The following CAMTA1 variants were observed in gnomAD, a reference collection of about 807,000 sequenced individuals.
CAMTA1 encodes the protein calmodulin-binding transcription activator 1.
A neutral mutation model predicts 170.9 loss-of-function variants in CAMTA1; 27 were observed. The observed-to-expected ratio is 0.16, with a 90% CI of 0.12 to 0.22. The LOEUF (loss-of-function observed/expected upper bound fraction) is 0.22, where lower values mean the gene tolerates loss of function less well. Among genes scored for constraint, CAMTA1 ranks in the 10% least tolerant of loss-of-function variants. CAMTA1 has a pLI of 1.00. For synonymous variants in CAMTA1, 833 were observed against 891.5 expected, an observed-to-expected ratio of 0.93 and a Z score of 1.17; for missense variants, 1,619 against 2,217.2, an observed-to-expected ratio of 0.73 and a Z score of 5.42.
intron 4 of CAMTA1, among the ~76,000 whole-genome samples, chr1:7,242,914 A>G (rs1665138389): frequency 6.6e-6 from 1 of 152,252 alleles, no homozygotes; most frequent in South Asian, 2.1e-4. Flanking sequence ...GTGAGCCGAG[A>G]TCGCACCATT....
intron 11 of CAMTA1, among the ~76,000 whole-genome samples, chr1:7,704,190 C>T (rs1030752378): frequency 1.3e-5 from 2 of 148,648 alleles, no homozygotes; most frequent in African/African-American, 2.4e-5. Context: ...CGGGGCCGCG[C>T]AGGGAGCCCG....
intron 4 of CAMTA1, among the ~76,000 whole-genome samples, chr1:7,182,895 G>T (rs1002787409): frequency 6.6e-6 from 1 of 152,194 alleles, no homozygotes; most frequent in African/African-American, 2.4e-5. Flanking sequence ...TTTTTAATCT[G>T]TCAGATTGGC....
intron 6 of CAMTA1, among the ~76,000 whole-genome samples, chr1:7,573,182 C>T (rs1198026350): frequency 6.6e-6 from 1 of 152,174 alleles, no homozygotes; most frequent in Non-Finnish European, 1.5e-5. Flanking sequence ...GAAAGAAAAA[C>T]CTGGCAAAGC....
rs994915435 is a variant in CAMTA1 at position 7,592,230 on chromosome 1, C to A, written c.511-48170C>A. On this transcript the variant is annotated intron_variant, in intron 6 of 22. Coordinates refer to ENST00000303635, the MANE Select transcript of CAMTA1 (RefSeq NM_015215.4). This position sits in a 1 kb window ranked among gnomAD's most constrained non-coding sequence, Gnocchi z 4.6. Reference sequence around the variant, plus strand: ...CACAGTTTAGATCTCAGCTCAGTGGCCCTCTTTGAAGGCCCCTTCCCCAAC... The same window carrying A: ...CACAGTTTAGATCTCAGCTCAGTGGACCTCTTTGAAGGCCCCTTCCCCAAC... Among the ~76,000 whole-genome samples, 2 of 152,156 alleles carry A rather than the reference C, an allele frequency of 1.3e-5. No homozygotes were observed. Among genetic ancestry groups the A allele is most frequent in the Admixed American group, 6.5e-5 (1 of 15,280 alleles).
intron 5 of CAMTA1, among the ~76,000 whole-genome samples, chr1:7,322,648 A>G (rs1678608636): frequency 6.6e-6 from 1 of 152,164 alleles, no homozygotes; most frequent in Non-Finnish European, 1.5e-5. Context: ...TTTTTCTAAT[A>G]ATTTGTCCAT....
At chr1:7,705,339 G>T (rs1370921977) in intron 11 of CAMTA1, among the ~76,000 whole-genome samples, 2 of 151,074 alleles carry the variant, frequency 1.3e-5, no homozygotes, top group Admixed American at 1.3e-4. Context: ...CCGGGGCCGT[G>T]TGTCTGGAGT....
At chr1:7,714,493 C>T (rs571325451) in intron 11 of CAMTA1, among the ~76,000 whole-genome samples, 2 of 151,726 alleles carry the variant, frequency 1.3e-5, no homozygotes, top group African/African-American at 4.8e-5. Context: ...GTGCTTTTGT[C>T]GCAAGGATGT....
At chr1:7,071,588 A>G (rs1212649602) in intron 3 of CAMTA1, among the ~76,000 whole-genome samples, 1 of 152,222 alleles carries the variant, frequency 6.6e-6, no homozygotes, top group Non-Finnish European at 1.5e-5. Context: ...TTCATTAATG[A>G]GAACCAACAG....
chr1:7,496,097 G>A (rs540242999), intron 6 of CAMTA1, among the ~76,000 whole-genome samples: 90 of 152,332 alleles, frequency 5.9e-4, no homozygotes, highest in African/African-American at 2.1e-3. Flanking sequence ...AGACCCAGCC[G>A]CCAGGACCCA....
chr1:7,682,898 G>A lies in CAMTA1; in HGVS notation c.2914+5165G>A, dbSNP rs1044524967. Among the ~76,000 whole-genome samples, 2 of 152,238 alleles carry A rather than the reference G, an allele frequency of 1.3e-5. No individual in the cohort carries two copies. Among genetic ancestry groups the A allele is most frequent in the African/African-American group, 4.8e-5 (2 of 41,466 alleles). ...AGAACATACACAGAGTTGGCTGGGT[G>A]CGGTGGCTCACGCCTGTGATCCCAG... is the stretch of plus-strand genomic sequence containing the variant. On this transcript the variant is annotated intron_variant, in intron 11 of 22. Coordinates refer to ENST00000303635, the MANE Select transcript of CAMTA1 (RefSeq NM_015215.4). The surrounding 1 kb of genome is among the most constrained non-coding windows in gnomAD (Gnocchi z 5.0).
At chr1:6,884,582 T>C (rs1672642772) in intron 3 of CAMTA1, among the ~76,000 whole-genome samples, 1 of 152,172 alleles carries the variant, frequency 6.6e-6, no homozygotes, top group African/African-American at 2.4e-5. Flanking sequence ...TTACTTCAGT[T>C]TCCCTTTAGT....
chr1:7,311,930 A>G (rs1676787404), intron 5 of CAMTA1, among the ~76,000 whole-genome samples: 2 of 152,186 alleles, frequency 1.3e-5, no homozygotes, highest in Non-Finnish European at 2.9e-5. Context: ...AGTCTTTGGC[A>G]TGCTGTTAGC....
rs1462989453 is a variant in CAMTA1 at position 7,547,367 on chromosome 1, C to G, written c.510+79466C>G. The stretch of plus-strand genomic sequence containing the variant: ...TCATATGCACACACACACACACACA[C>G]ACACACACACACACACACACACAGA... On this transcript the variant is annotated intron_variant, in intron 6 of 22. Coordinates refer to ENST00000303635, the MANE Select transcript of CAMTA1 (RefSeq NM_015215.4). The surrounding 1 kb of genome is among the most constrained non-coding windows in gnomAD (Gnocchi z 5.7). 6.6e-6 allele frequency among the ~76,000 whole-genome samples: 1 copy of G among 150,578 alleles called. No individual in the cohort carries two copies. The highest frequency in any genetic ancestry group is 1.5e-5 in the Non-Finnish European group (1 of 67,928).
At chr1:6,914,848 T>TC (rs1231490899) in intron 3 of CAMTA1, among the ~76,000 whole-genome samples, 5 of 152,224 alleles carry the variant, frequency 3.3e-5, no homozygotes, top group Non-Finnish European at 7.3e-5. Flanking sequence ...CGTTTTTGTC[T>TC]CCATCTGACC....
At chr1:6,924,951 A>G (rs1682797966) in intron 3 of CAMTA1, among the ~76,000 whole-genome samples, 1 of 152,094 alleles carries the variant, frequency 6.6e-6, no homozygotes, top group Non-Finnish European at 1.5e-5. Flanking sequence ...TTTCTTGGAT[A>G]TGGTTGGGGG....
At chr1:7,309,057 A>G (rs894820603) in intron 5 of CAMTA1, among the ~76,000 whole-genome samples, 1 of 152,050 alleles carries the variant, frequency 6.6e-6, no homozygotes, top group African/African-American at 2.4e-5. Flanking sequence ...GTCTCTTTTT[A>G]TCATGGTAAT....
chr1:7,666,181 A>AG (rs34039341), intron 9 of CAMTA1, among the ~76,000 whole-genome samples: 1 of 150,622 alleles, frequency 6.6e-6, no homozygotes, highest in Non-Finnish European at 1.5e-5. Flanking sequence ...AAAAAAAAAA[A>AG]GAAAGAAAAA....
rs1172747897 is a variant in CAMTA1, at chr1:7,766,524, A to G, written c.*33A>G. The G allele has an allele frequency of 6.2e-7, 1 of 1,606,988 alleles. No homozygotes were observed. Among genetic ancestry groups the G allele is most frequent in the Non-Finnish European group, 8.5e-7 (1 of 1,173,472 alleles). ...CAGCAGCATCCCTTAGCAATGTGAC[A>G]TTGCTTTTCAGACTGTTTTCATTTC... On this transcript the variant is annotated 3_prime_UTR_variant, in exon 23 of 23. Transcript: ENST00000303635.
intron 5 of CAMTA1, among the ~76,000 whole-genome samples, chr1:7,396,528 C>T (rs2089319975): frequency 6.6e-6 from 1 of 152,196 alleles, no homozygotes; most frequent in Non-Finnish European, 1.5e-5. Flanking sequence ...ACTTCCAGTA[C>T]TGTTTTGAAT....
Sources: allele counts gnomAD v4.1 joint callset (sites outside exome capture counted in the v4.1 genomes callset), GRCh38; gene constraint gnomAD v4.1.1; non-coding constraint Gnocchi (gnomAD v3.1); transcripts MANE v1.5; gene names NCBI Gene and HGNC (gene_info 2026-07-23, HGNC 2026-07-21).